The following PTPRN2 variants were observed in gnomAD, a reference collection of about 807,000 sequenced individuals.
The protein encoded by PTPRN2 is protein tyrosine phosphatase receptor type N2, also known as receptor-type tyrosine-protein phosphatase N2.
Under a neutral mutation model 118.8 loss-of-function variants are expected in PTPRN2, and 74 were observed. The ratio of observed to expected loss-of-function variants is 0.62; its 90% confidence interval spans 0.52 to 0.76. The LOEUF (loss-of-function observed/expected upper bound fraction) is 0.76, where lower values mean the gene tolerates loss of function less well. Ranked by LOEUF, PTPRN2 falls within the 30% of genes least tolerant of loss-of-function variation. The pLI, the probability that PTPRN2 is intolerant of heterozygous loss-of-function variation, is 0.00. For missense variants in PTPRN2, 1,481 were observed against 1,394.4 expected, an observed-to-expected ratio of 1.06 and a Z score of -0.99; for synonymous variants, 641 against 608.0, an observed-to-expected ratio of 1.05 and a Z score of -0.80.
At chr7:158,557,398 C>T (rs979887878) in intron 1 of PTPRN2, among the ~76,000 whole-genome samples, 9 of 152,116 alleles carry the variant, frequency 5.9e-5, no homozygotes, top group South Asian at 2.1e-4. Context: ...GCAGCTCCCG[C>T]GCAGGTCAGG....
At chr7:158,199,695 A>G (rs1458532206) in intron 4 of PTPRN2, among the ~76,000 whole-genome samples, 1 of 152,170 alleles carries the variant, frequency 6.6e-6, no homozygotes, top group Non-Finnish European at 1.5e-5. Flanking sequence ...ATTCTTCGTT[A>G]GTGTAGCTAC....
At chr7:158,197,044 G>C (rs889188406) in intron 4 of PTPRN2, among the ~76,000 whole-genome samples, 3 of 152,158 alleles carry the variant, frequency 2.0e-5, no homozygotes, top group Non-Finnish European at 4.4e-5. Flanking sequence ...GTGTGTGTGC[G>C]TGTGCATGTG....
chr7:158,334,567 C>A (rs62480926), intron 2 of PTPRN2, among the ~76,000 whole-genome samples: 1 of 75,176 alleles, frequency 1.3e-5, no homozygotes, highest in Non-Finnish European at 2.8e-5. Flanking sequence ...CATAAGAGCT[C>A]TCGCCCACAG....
intron 6 of PTPRN2, among the ~76,000 whole-genome samples, chr7:158,164,379 C>T (rs1822708569): frequency 2.9e-5 from 1 of 33,998 alleles, no homozygotes; most frequent in African/African-American, 6.9e-5. Flanking sequence ...CAGGAGGGTG[C>T]GTAGGAAGGA....
At chr7:157,914,504 C>CATGTGTAAG (rs1242399580) in intron 11 of PTPRN2, among the ~76,000 whole-genome samples, 1 of 152,122 alleles carries the variant, frequency 6.6e-6, no homozygotes, top group Non-Finnish European at 1.5e-5. Context: ...ACTCATGGAT[C>CATGTGTAAG]ATGTGTAAGA....
rs766976905 is a variant in PTPRN2 at position 158,340,437 on chromosome 7, TA to T, written c.164-23506del. Among the ~76,000 whole-genome samples, 13 of 28,992 alleles carry T rather than the reference TA, an allele frequency of 4.5e-4. 1 individual carries two copies. Among genetic ancestry groups the T allele is most frequent in the Non-Finnish European group, 7.7e-4 (9 of 11,634 alleles). The allele number at this position is 28,992 out of a possible 152,430, so 19.0% of individuals were successfully genotyped here. On this transcript the variant is annotated intron_variant, in intron 2 of 22. Coordinates refer to ENST00000389418, the MANE Select transcript of PTPRN2 (RefSeq NM_002847.5). ...GTCACTCACACACACACTCTCACCG[TA>T]AGAGCTGACACCCGCAGACGTCACT...
At chr7:157,985,466 G>A (rs1286681215) in intron 11 of PTPRN2, among the ~76,000 whole-genome samples, 1 of 152,168 alleles carries the variant, frequency 6.6e-6, no homozygotes, top group Non-Finnish European at 1.5e-5. Context: ...CTCATTACCA[G>A]AATTTGTTCT....
intron 1 of PTPRN2, among the ~76,000 whole-genome samples, chr7:158,549,036 C>T (rs1037512873): frequency 6.6e-6 from 1 of 152,166 alleles, no homozygotes; most frequent in African/African-American, 2.4e-5. Context: ...ATGCAGACAG[C>T]AGTGCCACCC....
chr7:158,182,147 C>A (rs1824764491), intron 5 of PTPRN2, among the ~76,000 whole-genome samples: 1 of 152,116 alleles, frequency 6.6e-6, no homozygotes, highest in Non-Finnish European at 1.5e-5. Flanking sequence ...TTGTAAACTT[C>A]CATCTTGATT....
intron 2 of PTPRN2, among the ~76,000 whole-genome samples, chr7:158,477,831 A>G (rs1715615445): frequency 6.6e-6 from 1 of 152,208 alleles, no homozygotes; most frequent in Non-Finnish European, 1.5e-5. Context: ...TGGAAAAAGC[A>G]ACTGAAAGCT....
At chr7:158,244,836 CAT>C (rs1563029224) in intron 3 of PTPRN2, among the ~76,000 whole-genome samples, 1 of 151,206 alleles carries the variant, frequency 6.6e-6, no homozygotes, top group African/African-American at 2.4e-5. Context: ...GAGTTGTGCA[CAT>C]GTGAGTGTAT....
At chr7:157,921,189 C>T (rs141816508) in intron 11 of PTPRN2, among the ~76,000 whole-genome samples, 1 of 152,136 alleles carries the variant, frequency 6.6e-6, no homozygotes, top group East Asian at 1.9e-4. Context: ...CTTGCAGGAA[C>T]CTTAAATGCC....
At chr7:157,584,995 A>G (rs1284825334) in intron 17 of PTPRN2, among the ~76,000 whole-genome samples, 1 of 152,166 alleles carries the variant, frequency 6.6e-6, no homozygotes, top group African/African-American at 2.4e-5. Flanking sequence ...CAGGGTGACA[A>G]AACCTTCGTG....
rs141947885 is a variant in PTPRN2 at position 157,975,015 on chromosome 7, A to G, written c.1724-76278T>C. Among the ~76,000 whole-genome samples the G allele has an allele frequency of 3.9e-3, 597 of 152,110 alleles. 1 individual carries two copies. The highest frequency in any genetic ancestry group is 6.2e-3 in the Non-Finnish European group (422 of 67,978). ...GCAGGGCTAGTGAGGGGCTGGGGAGAGCAGAGGGTGTTTCTGGATAAGAAC... is the reference window on the plus strand; with the variant it reads ...GCAGGGCTAGTGAGGGGCTGGGGAGGGCAGAGGGTGTTTCTGGATAAGAAC... On this transcript the variant is annotated intron_variant, in intron 11 of 22. Transcript: ENST00000389418.
At chr7:157,809,817 T>C (rs182591681) in intron 12 of PTPRN2, among the ~76,000 whole-genome samples, 15 of 152,270 alleles carry the variant, frequency 9.9e-5, no homozygotes, top group African/African-American at 3.1e-4. Context: ...AGCCACCCAG[T>C]TTGTGGCACT....
intron 12 of PTPRN2, among the ~76,000 whole-genome samples, chr7:157,791,381 G>A (rs1804480404): frequency 1.3e-5 from 2 of 152,236 alleles, no homozygotes; most frequent in Non-Finnish European, 2.9e-5. Context: ...ACATATTCTC[G>A]TGCCTGGCGT....
intron 3 of PTPRN2, 75 bp downstream of exon 3, chr7:158,316,744 G>T: frequency 2.7e-6 from 3 of 1,126,162 alleles, no homozygotes; most frequent in East Asian, 2.6e-5. Flanking sequence ...GCTCCTCACC[G>T]CCCAGGAGGA....
Position 157,578,005 on chromosome 7 carries a change from G to T in PTPRN2, c.2616+16C>A, listed in dbSNP as rs769796009. 1.3e-6 allele frequency: 2 copies of T among 1,597,316 alleles called. No homozygotes were observed. The highest frequency in any genetic ancestry group is 1.1e-5 in the South Asian group (1 of 89,930). On this transcript the variant is annotated intron_variant, in intron 18 of 22. Transcript: ENST00000389418. ...CGGCTGGTGGGTCCTGCCCTGGGTG[G>T]CTCTGGTCGGAGTACCTCATAGATG...
Position 157,540,601 on chromosome 7 carries a change from T to G in PTPRN2, c.*113A>C, listed in dbSNP as rs1485913779. 3.6e-6 allele frequency: 3 copies of G among 826,570 alleles called. No homozygotes were observed. Among genetic ancestry groups the G allele is most frequent in the Non-Finnish European group, 3.8e-6 (2 of 532,102 alleles). 51.2% of individuals were successfully genotyped at this position (826,570 alleles called of 1,614,324 possible). A position where few individuals can be genotyped will look rare whatever the true frequency, so the allele number is the denominator to read the frequency against. On this transcript the variant is annotated 3_prime_UTR_variant, in exon 23 of 23. Transcript: ENST00000389418. ...TAAACTGCGCTGACTACGGGAGAGCTAAGGGCCCTATTACTATGCAGTTAT... is the reference window on the plus strand; with the variant it reads ...TAAACTGCGCTGACTACGGGAGAGCGAAGGGCCCTATTACTATGCAGTTAT...
Sources: gnomAD v4.1 joint callset for allele counts (sites outside exome capture counted in the v4.1 genomes callset) on GRCh38, gnomAD v4.1.1 for gene constraint, MANE v1.5 for transcripts, NCBI Gene and HGNC (gene_info 2026-07-23, HGNC 2026-07-21) for gene names.